The following EDIL3 variants were observed in gnomAD, a reference collection of about 807,000 sequenced individuals.
EDIL3 encodes EGF-like repeat and discoidin I-like domain-containing protein 3.
A neutral mutation model predicts 67.4 loss-of-function variants in EDIL3; 37 were observed. That is an observed-to-expected ratio of 0.55 (90% CI 0.42 to 0.72). EDIL3 has a LOEUF of 0.72. Among genes scored for constraint, EDIL3 ranks in the 30% least tolerant of loss-of-function variants. The probability of loss-of-function intolerance (pLI) is 0.00; values close to 1 mark genes in which losing one functional copy is unlikely to be tolerated. For synonymous variants in EDIL3, 195 were observed against 196.3 expected (o/e 0.99, Z 0.05); for missense variants, 527 against 586.3 (o/e 0.90, Z 1.04).
At chr5:83,987,800 T>C (rs1159597196) in intron 9 of EDIL3, among the ~76,000 whole-genome samples, 2 of 151,752 alleles carry the variant, frequency 1.3e-5, no homozygotes, top group African/African-American at 4.8e-5. Context: ...AAAGATAATG[T>C]AAAAATTCTT....
intron 6 of EDIL3, among the ~76,000 whole-genome samples, chr5:84,085,591 T>G (rs2112262614): frequency 6.6e-6 from 1 of 151,632 alleles, no homozygotes; most frequent in South Asian, 2.1e-4. Flanking sequence ...CAGCCAGAGC[T>G]CTCCTGTATG....
At chr5:84,132,375 ATATATAATATATTT>A (rs1561440567) in intron 5 of EDIL3, among the ~76,000 whole-genome samples, 1 of 19,694 alleles carries the variant, frequency 5.1e-5, no homozygotes, top group African/African-American at 2.4e-4. Flanking sequence ...TATATATATT[ATATATAATATATTT>A]TATATATAAT....
chr5:83,948,393 G>A (rs1173360137), intron 10 of EDIL3, among the ~76,000 whole-genome samples: 3 of 151,492 alleles, frequency 2.0e-5, no homozygotes, highest in Non-Finnish European at 3.0e-5. Flanking sequence ...TTGAATCAAC[G>A]CTTTAAGTGA....
chr5:84,271,466 A>G lies in EDIL3; in HGVS notation c.68-17254T>C, dbSNP rs887656309. ...AAATAAATAAATAAATAAATATAAA[A>G]TAAAGGAGAGACTTAGTCTATTGCA... is the stretch of plus-strand genomic sequence containing the variant. On this transcript the variant is annotated intron_variant, in intron 1 of 10. Transcript: ENST00000296591. Among the ~76,000 whole-genome samples the G allele has an allele frequency of 4.0e-5, 6 of 149,390 alleles. No homozygotes were observed. The South Asian group carries it at 1.1e-3, about 26-fold the overall frequency.
In EDIL3 at chr5:84,106,755, G is replaced by A. The variant is rs761564411; in HGVS notation, c.545C>T (p.Ala182Val). The change falls in exon 6 of 11, where the codon GCT becomes GTT. Residue 182 changes from alanine (A) to valine (V), a missense_variant. Physicochemically the swap from Ala to Val is moderately conservative, Grantham distance 64. This residue lies in a region of EDIL3 where 494 missense variants were observed against 522.5 expected (regional missense o/e 0.95). Coordinates refer to ENST00000296591, the MANE Select transcript of EDIL3 (RefSeq NM_005711.5). ...ATACCATTTTTGGAGTCCAAAAAGAGCTCGGTGAGTAGAGGAAGCTGTGAT... is the reference window on the plus strand; with the variant it reads ...ATACCATTTTTGGAGTCCAAAAAGAACTCGGTGAGTAGAGGAAGCTGTGAT... ...QQITASSTHR[A>V]LFGLQKWYPY... 1.2e-6 allele frequency: 2 copies of A among 1,613,566 alleles called. No individual in the cohort carries two copies. The highest frequency in any genetic ancestry group is 1.7e-6 in the Non-Finnish European group (2 of 1,179,668).
chr5:83,954,346 G>A (rs1244225368), intron 10 of EDIL3, among the ~76,000 whole-genome samples: 1 of 151,764 alleles, frequency 6.6e-6, no homozygotes, highest in Non-Finnish European at 1.5e-5. Flanking sequence ...CAATGTTGGA[G>A]CTGTAGCCTA....
At chr5:84,307,715 C>A (rs1221371647) in intron 1 of EDIL3, among the ~76,000 whole-genome samples, 1 of 151,918 alleles carries the variant, frequency 6.6e-6, no homozygotes, top group Non-Finnish European at 1.5e-5. Flanking sequence ...GATGAAAGTC[C>A]ACAATTAGCT....
intron 6 of EDIL3, among the ~76,000 whole-genome samples, chr5:84,089,333 G>T (rs151316575): frequency 6.6e-6 from 1 of 152,178 alleles, no homozygotes; most frequent in Admixed American, 6.5e-5. Context: ...TCAAAAAGCC[G>T]ATGAACTCCT....
intron 4 of EDIL3, among the ~76,000 whole-genome samples, chr5:84,142,734 G>A (rs1393692102): frequency 6.6e-6 from 1 of 151,662 alleles, no homozygotes; most frequent in East Asian, 1.9e-4. Context: ...GTACATTGAG[G>A]CCCCCAAGAA....
chr5:84,200,614 T>C (rs1383570548), intron 3 of EDIL3, among the ~76,000 whole-genome samples: 6 of 152,020 alleles, frequency 3.9e-5, no homozygotes, highest in Admixed American at 2.6e-4. Context: ...ATTAAACTTG[T>C]TACACAATTT....
At chr5:84,144,377 A>G (rs555603098) in intron 4 of EDIL3, among the ~76,000 whole-genome samples, 1 of 151,728 alleles carries the variant, frequency 6.6e-6, no homozygotes, top group South Asian at 2.1e-4. Flanking sequence ...ATATGTCACA[A>G]TCTGTAATGT....
intron 6 of EDIL3, among the ~76,000 whole-genome samples, chr5:84,103,423 T>C (rs1436679885): frequency 6.6e-6 from 1 of 152,012 alleles, no homozygotes; most frequent in Admixed American, 6.6e-5. Flanking sequence ...ATCAACACAG[T>C]GAACAGACAA....
rs142486653 is a variant in EDIL3 at position 84,199,863 on chromosome 5, G to A, written c.227-19342C>T. 2.6e-5 allele frequency among the ~76,000 whole-genome samples: 4 copies of A among 152,138 alleles called. No homozygotes were observed. The East Asian group carries it at 5.8e-4, about 22-fold the overall frequency. On this transcript the variant is annotated intron_variant, in intron 3 of 10. Coordinates refer to ENST00000296591, the MANE Select transcript of EDIL3 (RefSeq NM_005711.5). ...AGCAGTGGTATATGGAGGAAAGCAGGAGCCTTGCAAATTTATTCTGTAACC... is the reference window on the plus strand; with the variant it reads ...AGCAGTGGTATATGGAGGAAAGCAGAAGCCTTGCAAATTTATTCTGTAACC...
At chr5:84,266,685 T>C (rs1437786063) in intron 1 of EDIL3, among the ~76,000 whole-genome samples, 2 of 152,146 alleles carry the variant, frequency 1.3e-5, no homozygotes, top group African/African-American at 4.8e-5. Context: ...TGTATATAAA[T>C]CCTCTTTTCC....
intron 4 of EDIL3, among the ~76,000 whole-genome samples, chr5:84,150,031 T>TATAA (rs1319896232): frequency 1.3e-5 from 2 of 152,062 alleles, no homozygotes; most frequent in Non-Finnish European, 2.9e-5. Flanking sequence ...GAATAGATTA[T>TATAA]AGCCCAAATT....
intron 9 of EDIL3, among the ~76,000 whole-genome samples, chr5:84,019,549 T>TA (rs995100867): frequency 6.6e-6 from 1 of 151,274 alleles, no homozygotes; most frequent in African/African-American, 2.4e-5. Context: ...ATAATAAAAA[T>TA]AAAAAAATAA....
At chr5:84,279,464 G>T (rs1745652594) in intron 1 of EDIL3, among the ~76,000 whole-genome samples, 1 of 152,148 alleles carries the variant, frequency 6.6e-6, no homozygotes, top group African/African-American at 2.4e-5. Flanking sequence ...TACCAAGATT[G>T]TAATCACTGT....
At chr5:84,294,273 T>C (rs1745993988) in intron 1 of EDIL3, among the ~76,000 whole-genome samples, 1 of 150,286 alleles carries the variant, frequency 6.7e-6, no homozygotes, top group South Asian at 2.1e-4. Flanking sequence ...TAGTCCCAGC[T>C]ACTCGGGAGG....
chr5:84,159,741 A>G (rs937617340), intron 4 of EDIL3, among the ~76,000 whole-genome samples: 1 of 152,050 alleles, frequency 6.6e-6, no homozygotes, highest in African/African-American at 2.4e-5. Context: ...CATGTTCCCA[A>G]TTGCAATGGC....
Sources: gnomAD v4.1 joint callset for allele counts (sites outside exome capture counted in the v4.1 genomes callset) on GRCh38, gnomAD v4.1.1 for gene constraint, gnomAD v4.1.1 regional missense constraint, MANE v1.5 for transcripts, NCBI Gene and HGNC (gene_info 2026-07-23, HGNC 2026-07-21) for gene names.